Variants in AKNA observed in about 807,000 individuals in gnomAD.
The protein encoded by AKNA is microtubule organization protein AKNA.
Under a neutral mutation model 138.8 loss-of-function variants are expected in AKNA, and 67 were observed. The ratio of observed to expected loss-of-function variants is 0.48; its 90% confidence interval spans 0.40 to 0.59. The LOEUF is 0.59. AKNA is among the 20% of genes least tolerant of loss of function. The probability of loss-of-function intolerance (pLI) is 0.00; values close to 1 mark genes in which losing one functional copy is unlikely to be tolerated. For synonymous variants in AKNA, 737 were observed against 754.4 expected (o/e 0.98, Z 0.38); for missense variants, 1,813 against 1,880.4 (o/e 0.96, Z 0.66).
At chr9:114,392,104 C>CAAAAA (rs61619495), upstream of AKNA, among the ~76,000 whole-genome samples, 599 of 86,556 alleles carry the variant, frequency 6.9e-3, 17 homozygotes, top group South Asian at 0.012. Flanking sequence ...AGACGCTTGT[C>CAAAAA]AAAAAAAAAA....
At chr9:114,340,096 C>A (rs965353576) in intron 21 of AKNA, among the ~76,000 whole-genome samples, 19 of 152,204 alleles carry the variant, frequency 1.2e-4, no homozygotes, top group African/African-American at 4.3e-4. Flanking sequence ...CAGACCCTGT[C>A]TCAGAAAACA....
rs557392301 is a variant in AKNA, at chr9:114,372,374, C to A, written c.1416+1719G>T. 3.3e-5 allele frequency among the ~76,000 whole-genome samples: 5 copies of A among 152,304 alleles called. No homozygotes were observed. In the South Asian group the frequency reaches 8.3e-4, roughly 25 times the overall value. Reference sequence around the variant, plus strand: ...TCCTACTGGGTCAAGGGAGCACCCACGAGAGGAGATACCCCAGCTGTGCTC... The same window carrying A: ...TCCTACTGGGTCAAGGGAGCACCCAAGAGAGGAGATACCCCAGCTGTGCTC... On this transcript the variant is annotated intron_variant, in intron 4 of 21. Coordinates refer to ENST00000374088, the MANE Select transcript of AKNA (RefSeq NM_001317950.2).
chr9:114,341,539 G>T lies in AKNA; in HGVS notation c.4061C>A (p.Ala1354Asp). The change falls in exon 21 of 22, where the codon GCC (alanine) becomes GAC (aspartate). Residue 1354 changes from alanine to aspartate, a missense_variant. By Grantham distance (126) the Ala-to-Asp change is moderately radical. Transcript: ENST00000374088. Reference sequence around the variant, plus strand: ...TCAGAATGAAGGCTCTTACACAGCGGCAGGTGGATAAGGCATGATGGGAAC... The same window carrying T: ...TCAGAATGAAGGCTCTTACACAGCGTCAGGTGGATAAGGCATGATGGGAAC... ...SSVPIMPYPP[A>D]AVYYAPAGPT... 3 of 1,614,098 alleles carry T rather than the reference G, an allele frequency of 1.9e-6. No individual in the cohort carries two copies. The highest frequency in any genetic ancestry group is 2.5e-6 in the Non-Finnish European group (3 of 1,179,994).
chr9:114,380,417 C>CCTA (rs1833552431), intron 2 of AKNA, among the ~76,000 whole-genome samples: 1 of 152,054 alleles, frequency 6.6e-6, no homozygotes, highest in Non-Finnish European at 1.5e-5. Flanking sequence ...ATTAAGTTAA[C>CCTA]CAAAAAGCAG....
At chr9:114,382,574 C>A (rs1212365371) in intron 1 of AKNA, among the ~76,000 whole-genome samples, 1 of 146,896 alleles carries the variant, frequency 6.8e-6, no homozygotes. Flanking sequence ...CAAAGTGAGA[C>A]CCTGTCTCAA....
chr9:114,372,953 T>C, intron 4 of AKNA, among the ~76,000 whole-genome samples: 1 of 12,820 alleles, frequency 7.8e-5, no homozygotes, highest in East Asian at 2.4e-3. Flanking sequence ...GCAGCAGGTG[T>C]GGGGACGCAG....
At position 114,358,027 on chromosome 9, in the gene AKNA, T is replaced by C. The variant is rs1466844712; in HGVS notation, c.2633A>G (p.Lys878Arg). 6.2e-7 allele frequency: 1 copy of C among 1,610,534 alleles called. No homozygotes were observed. Among genetic ancestry groups the C allele is most frequent in the Non-Finnish European group, 8.5e-7 (1 of 1,177,546 alleles). The change falls in exon 12 of 22, where the codon AAG becomes AGG. Residue 878 changes from lysine (K) to arginine (R), a missense_variant. Physicochemically the swap from Lys to Arg is conservative, Grantham distance 26 (BLOSUM62 2). Coordinates refer to ENST00000374088, the MANE Select transcript of AKNA (RefSeq NM_001317950.2). Reference sequence around the variant, plus strand: ...ACTACTTTGGTGGGATGCTGCGGACTTGGTGCCTGGAGGGTGGGGTGGCAC... The same window carrying C: ...ACTACTTTGGTGGGATGCTGCGGACCTGGTGCCTGGAGGGTGGGGTGGCAC... ...PGVPPHPPGT[K>R]SAASHQSSMT...
At chr9:114,331,668 T>G (rs147918827), downstream of AKNA, 230 of 1,612,866 alleles carry the variant, frequency 1.4e-4, 1 homozygote, top group Middle Eastern at 3.3e-4. Flanking sequence ...GGGGCTGTCT[T>G]TCTATGGTAG....
rs1421750210 is a variant in AKNA at position 114,347,764 on chromosome 9, G to T, written c.3358C>A (p.Pro1120Thr). The T allele has an allele frequency of 2.6e-6, 4 of 1,542,008 alleles. No homozygotes were observed. The East Asian group carries it at 1.0e-4, about 38-fold the overall frequency. The change falls in exon 16 of 22, where the codon CCA (proline) becomes ACA (threonine). Residue 1120 changes from proline to threonine, a missense_variant. By Grantham distance (38) the Pro-to-Thr change is conservative. Transcript: ENST00000374088. ...CCCCAGGTGGCTGGGGAGTCTGCTG[G>T]CCGGCCGCGGGTCCGGGCGGGGCGG... ...FDRPARTRGR[P>T]ADSPATWGSH...
chr9:114,341,901 T>A, intron 20 of AKNA, 108 bp downstream of exon 20: 4 of 1,343,768 alleles, frequency 3.0e-6, no homozygotes, highest in Non-Finnish European at 4.3e-6. Flanking sequence ...AGTTGCTCTG[T>A]CCCAGACTGG....
Position 114,379,928 on chromosome 9 carries a change from C to T in AKNA, c.274+1132G>A, listed in dbSNP as rs1055978149. On this transcript the variant is annotated intron_variant, in intron 2 of 21. Transcript: ENST00000374088. ...CATTTTGGGAGGCCAAGGTGAGAGG[C>T]TCACTTCAGGCCAGGAGTTTGAGAC... 3.3e-5 allele frequency among the ~76,000 whole-genome samples: 5 copies of T among 152,120 alleles called. 1 individual carries two copies. Among genetic ancestry groups the T allele is most frequent in the Admixed American group, 1.3e-4 (2 of 15,278 alleles).
Position 114,362,399 on chromosome 9 carries a change from C to A in AKNA, c.1916+7G>T. 1 of 1,608,654 alleles carries A rather than the reference C, an allele frequency of 6.2e-7. No individual in the cohort carries two copies. The highest frequency in any genetic ancestry group is 1.3e-5 in the African/African-American group (1 of 74,978). On this transcript the variant is annotated splice_region_variant and intron_variant, in intron 8 of 21. Coordinates refer to ENST00000374088, the MANE Select transcript of AKNA (RefSeq NM_001317950.2). ...TGTCCTTCCAGGCCTTCCACCCCAGCAGGTACCTGCGAGGATCAAATCTTC... is the reference window on the plus strand; with the variant it reads ...TGTCCTTCCAGGCCTTCCACCCCAGAAGGTACCTGCGAGGATCAAATCTTC...
intron 4 of AKNA, among the ~76,000 whole-genome samples, chr9:114,371,080 C>G (rs997720629): frequency 6.6e-6 from 1 of 152,322 alleles, no homozygotes; most frequent in East Asian, 1.9e-4. Context: ...TGGCCAGAGG[C>G]CAGTGTAGAG....
At chr9:114,397,829 C>T (rs377229770), upstream of AKNA, among the ~76,000 whole-genome samples, 1 of 152,204 alleles carries the variant, frequency 6.6e-6, no homozygotes, top group Non-Finnish European at 1.5e-5. Context: ...GGCTGCCTAC[C>T]CGACACTGGC....
At chr9:114,392,104 C>CAAAAAAAAAAAAAAAAAAAAAAA (rs61619495), upstream of AKNA, among the ~76,000 whole-genome samples, 1 of 86,612 alleles carries the variant, frequency 1.2e-5, no homozygotes, top group Non-Finnish European at 2.2e-5. Flanking sequence ...AGACGCTTGT[C>CAAAAAAAAAAAAAAAAAAAAAAA]AAAAAAAAAA....
chr9:114,362,622 A>C, intron 7 of AKNA, 89 bp from the exon 8 acceptor site: 1 of 1,456,520 alleles, frequency 6.9e-7, no homozygotes, highest in Admixed American at 2.4e-5. Flanking sequence ...AGCTTGCGGG[A>C]GGCCATGGGA....
intron 12 of AKNA, 78 bp from the exon 13 acceptor site, chr9:114,357,047 G>A: frequency 7.6e-7 from 1 of 1,323,206 alleles, no homozygotes; most frequent in Non-Finnish European, 1.0e-6. Flanking sequence ...ATCGTGGCCT[G>A]GCCTCACCTC....
Position 114,381,447 on chromosome 9 carries a change from C to T in AKNA, c.-113-1G>A, listed in dbSNP as rs1357473180. The stretch of plus-strand genomic sequence containing the variant: ...CAGCATCGGCCATCCTGCCTGTGCC[C>T]TGTCAGGGACACATTCAAGAGAGAA... On this transcript the variant is annotated splice_acceptor_variant, in intron 1 of 21. Coordinates refer to ENST00000374088, the MANE Select transcript of AKNA (RefSeq NM_001317950.2). LOFTEE classifies it low-confidence loss of function (5UTR_SPLICE). The T allele has an allele frequency of 1.4e-6, 2 of 1,429,558 alleles. No individual in the cohort carries two copies. Among genetic ancestry groups the T allele is most frequent in the East Asian group, 2.6e-5 (1 of 39,210 alleles). 88.6% of individuals were successfully genotyped at this position (1,429,558 alleles called of 1,614,324 possible).
At chr9:114,387,829 T>C (rs1564102405) in intron 1 of AKNA, 31 bp downstream of exon 1, 1 of 434,112 alleles carries the variant, frequency 2.3e-6, no homozygotes, top group Admixed American at 2.4e-5. Context: ...GAAAGCGGCC[T>C]CCCGGGCCCT....
Sources: allele counts gnomAD v4.1 joint callset (sites outside exome capture counted in the v4.1 genomes callset), GRCh38; gene constraint gnomAD v4.1.1; transcripts MANE v1.5; gene names NCBI Gene and HGNC (gene_info 2026-07-23, HGNC 2026-07-21).